CCSER1: variants seen among roughly 807,000 people sequenced by gnomAD.
The protein encoded by CCSER1 is coiled-coil serine rich protein 1, also known as serine-rich coiled-coil domain-containing protein 1.
CCSER1 carries 41 observed loss-of-function variants against 82.0 expected under a neutral mutation model. The observed-to-expected ratio is 0.50, with a 90% CI of 0.39 to 0.65. CCSER1 has a LOEUF of 0.65. Among genes scored for constraint, CCSER1 ranks in the 30% least tolerant of loss-of-function variants. CCSER1 has a pLI of 0.00. For synonymous variants in CCSER1, 414 were observed against 383.9 expected (o/e 1.08, Z -0.92); for missense variants, 1,119 against 1,064.2 (o/e 1.05, Z -0.72).
chr4:90,258,670 A>G (rs1176792851), intron 1 of CCSER1, among the ~76,000 whole-genome samples: 3 of 152,170 alleles, frequency 2.0e-5, no homozygotes, highest in Non-Finnish European at 4.4e-5. Context: ...CCATTTTTCA[A>G]TACACTATAC....
chr4:90,452,648 C>G (rs1761615307), intron 4 of CCSER1, among the ~76,000 whole-genome samples: 1 of 152,170 alleles, frequency 6.6e-6, no homozygotes, highest in East Asian at 1.9e-4. Context: ...TGAACATCTC[C>G]TCATTGGGAA....
chr4:90,423,746 G>A (rs1184719065), intron 4 of CCSER1, among the ~76,000 whole-genome samples: 2 of 151,926 alleles, frequency 1.3e-5, no homozygotes, highest in African/African-American at 4.8e-5. Flanking sequence ...CAAAGTGCTG[G>A]GATTACAGGC....
chr4:90,915,487 A>G (rs1037602273), intron 8 of CCSER1, among the ~76,000 whole-genome samples: 2 of 152,192 alleles, frequency 1.3e-5, no homozygotes, highest in Non-Finnish European at 2.9e-5. Flanking sequence ...ACAACTCTCA[A>G]TAAGTTAGGT....
chr4:91,439,917 A>G (rs564545303), intron 10 of CCSER1, among the ~76,000 whole-genome samples: 1 of 152,316 alleles, frequency 6.6e-6, no homozygotes, highest in African/African-American at 2.4e-5. Context: ...AGAACTAACT[A>G]TCCTAAATAT....
intron 1 of CCSER1, among the ~76,000 whole-genome samples, chr4:90,306,016 CAT>C (rs1296510495): frequency 6.6e-6 from 1 of 152,190 alleles, no homozygotes; most frequent in Non-Finnish European, 1.5e-5. Flanking sequence ...AATTCTGTCA[CAT>C]GTCACAACAT....
intron 3 of CCSER1, among the ~76,000 whole-genome samples, chr4:90,344,873 G>C (rs1367200258): frequency 6.6e-6 from 1 of 152,012 alleles, no homozygotes; most frequent in Non-Finnish European, 1.5e-5. Context: ...TATTAAATAT[G>C]CTATTTTTAC....
chr4:90,366,001 T>A (rs7696477), intron 3 of CCSER1, among the ~76,000 whole-genome samples: 70,557 of 151,452 alleles, frequency 0.47, 16,704 homozygotes, highest in South Asian at 0.59. Flanking sequence ...CATAGCCAAA[T>A]ATTACATTTC....
intron 10 of CCSER1, among the ~76,000 whole-genome samples, chr4:91,431,354 A>G (rs1463738788): frequency 6.6e-6 from 1 of 152,082 alleles, no homozygotes; most frequent in East Asian, 1.9e-4. Flanking sequence ...TTCCTTCACT[A>G]TTTTTTCCCA....
At chr4:90,484,011 A>T (rs1212830572) in intron 5 of CCSER1, among the ~76,000 whole-genome samples, 1 of 152,204 alleles carries the variant, frequency 6.6e-6, no homozygotes, top group Non-Finnish European at 1.5e-5. Flanking sequence ...CAGGTACACC[A>T]ATTAGACGTA....
intron 1 of CCSER1, among the ~76,000 whole-genome samples, chr4:90,295,827 A>G (rs1407929750): frequency 1.3e-5 from 2 of 151,970 alleles, no homozygotes; most frequent in Non-Finnish European, 2.9e-5. Context: ...TCTTATCCAC[A>G]TATCCCCAGT....
intron 7 of CCSER1, among the ~76,000 whole-genome samples, chr4:90,733,744 G>A (rs1237530006): frequency 1.3e-5 from 2 of 152,042 alleles, no homozygotes; most frequent in East Asian, 3.9e-4. Context: ...TCTGCATATG[G>A]ATATCTAGGT....
chr4:90,751,871 G>A (rs1030175877), intron 7 of CCSER1, among the ~76,000 whole-genome samples: 2 of 151,908 alleles, frequency 1.3e-5, no homozygotes, highest in African/African-American at 4.8e-5. Context: ...AAAAAGTATA[G>A]GATATAAGAT....
chr4:91,345,420 T>G (rs1199016924), intron 10 of CCSER1, among the ~76,000 whole-genome samples: 1 of 152,026 alleles, frequency 6.6e-6, no homozygotes, highest in African/African-American at 2.4e-5. Flanking sequence ...AAAGAAACTC[T>G]ATGAGCAATA....
chr4:91,481,416 C>T (rs551918407), intron 10 of CCSER1, among the ~76,000 whole-genome samples: 52 of 152,138 alleles, frequency 3.4e-4, no homozygotes, highest in African/African-American at 1.2e-3. Context: ...TTTGTGTCCA[C>T]GTTGCCTCTT....
rs532609625 is a variant in CCSER1, at chr4:91,033,394, A to G, written c.2173-52556A>G. Among the ~76,000 whole-genome samples the G allele has an allele frequency of 3.4e-3, 522 of 151,998 alleles. 4 individuals carry two copies. Among genetic ancestry groups the G allele is most frequent in the Non-Finnish European group, 5.5e-3 (374 of 68,014 alleles). On this transcript the variant is annotated intron_variant, in intron 9 of 10. Transcript: ENST00000509176. ...TGCAGCAGGGAAAAAGGGTAGAAGG[A>G]AATATCCCACTTCTCTCTTCCTTTG...
intron 5 of CCSER1, among the ~76,000 whole-genome samples, chr4:90,471,513 C>T (rs766266868): frequency 2.6e-5 from 4 of 152,012 alleles, no homozygotes; most frequent in Admixed American, 6.6e-5. Context: ...TACTTTACCT[C>T]ATAATGCAAT....
At chr4:91,284,939 C>CA (rs1560565993) in intron 10 of CCSER1, among the ~76,000 whole-genome samples, 1 of 151,676 alleles carries the variant, frequency 6.6e-6, no homozygotes, top group Non-Finnish European at 1.5e-5. Flanking sequence ...CAACAATGAA[C>CA]AAAAAAATAT....
At chr4:91,284,292 A>T (rs774364831) in intron 10 of CCSER1, among the ~76,000 whole-genome samples, 1 of 152,128 alleles carries the variant, frequency 6.6e-6, no homozygotes, top group Non-Finnish European at 1.5e-5. Context: ...AAGGAAATCC[A>T]TTAAAAGAAA....
intron 1 of CCSER1, among the ~76,000 whole-genome samples, chr4:90,265,293 T>A (rs982284198): frequency 6.6e-6 from 1 of 151,852 alleles, no homozygotes; most frequent in African/African-American, 2.4e-5. Flanking sequence ...AAAGTAACTT[T>A]CATATTTAGA....
Sources: allele counts gnomAD v4.1 joint callset (sites outside exome capture counted in the v4.1 genomes callset), GRCh38; gene constraint gnomAD v4.1.1; transcripts MANE v1.5; gene names NCBI Gene and HGNC (gene_info 2026-07-23, HGNC 2026-07-21).